Variants in SEMA4F observed in about 807,000 individuals in gnomAD.
SEMA4F encodes the protein semaphorin-4F.
SEMA4F carries 51 observed loss-of-function variants against 78.4 expected under a neutral mutation model. That is an observed-to-expected ratio of 0.65 (90% CI 0.52 to 0.82). SEMA4F has a LOEUF of 0.82. Ranked by LOEUF, SEMA4F falls within the 40% of genes least tolerant of loss-of-function variation. The pLI, the probability that SEMA4F is intolerant of heterozygous loss-of-function variation, is 0.00. For missense variants in SEMA4F, 938 were observed against 1,014.4 expected (o/e 0.92, Z 1.02); for synonymous variants, 418 against 408.7 (o/e 1.02, Z -0.27).
chr2:74,675,716 A>G (rs1685240344), intron 11 of SEMA4F, 33 bp from the exon 12 acceptor site: 1 of 1,613,552 alleles, frequency 6.2e-7, no homozygotes, highest in Middle Eastern at 1.7e-4. Context: ...TGGGAGATCC[A>G]GTGTATTCCC....
At chr2:74,665,571 T>C (rs549987444) in intron 5 of SEMA4F, among the ~76,000 whole-genome samples, 2 of 152,236 alleles carry the variant, frequency 1.3e-5, no homozygotes, top group Admixed American at 1.3e-4. Flanking sequence ...CTTATCTTTT[T>C]CTGAAAAATA....
chr2:74,687,526 G>A (rs1685847430), downstream of SEMA4F, among the ~76,000 whole-genome samples: 1 of 152,210 alleles, frequency 6.6e-6, no homozygotes, highest in South Asian at 2.1e-4. Context: ...AACAGTGCCT[G>A]ACACATAGTA....
chr2:74,665,565 T>C (rs1008650491), intron 5 of SEMA4F, among the ~76,000 whole-genome samples: 2 of 152,174 alleles, frequency 1.3e-5, no homozygotes, highest in African/African-American at 2.4e-5. Flanking sequence ...TAATGACTTA[T>C]CTTTTTCTGA....
rs758156593 is a variant in SEMA4F at position 74,680,057 on chromosome 2, C to G, written c.2161C>G (p.Pro721Ala). 5.6e-6 allele frequency: 9 copies of G among 1,614,026 alleles called. No individual in the cohort carries two copies. The highest frequency in any genetic ancestry group is 7.6e-6 in the Non-Finnish European group (9 of 1,179,978). The change falls in exon 14 of 14, where the codon CCT becomes GCT. Residue 721 changes from proline to alanine, a missense_variant. Coordinates refer to ENST00000357877, the MANE Select transcript of SEMA4F (RefSeq NM_004263.5). ...SYSQDPPSPS[P>A]EDERLPLALA... ...CAGCCAAGACCCTCCCTCCCCCTCTCCTGAAGATGAGCGGTTGCCGCTGGC... is the reference window on the plus strand; with the variant it reads ...CAGCCAAGACCCTCCCTCCCCCTCTGCTGAAGATGAGCGGTTGCCGCTGGC...
At position 74,682,873 on chromosome 2, in the gene SEMA4F, C is replaced by T. The variant is rs905636386; in HGVS notation, c.*2664C>T. On this transcript the variant is annotated 3_prime_UTR_variant, in exon 14 of 14. Coordinates refer to ENST00000357877, the MANE Select transcript of SEMA4F (RefSeq NM_004263.5). Reference sequence around the variant, plus strand: ...CCAGGCACCAGACAACTAGGGATGGCCTCTTTACCCCAAAGCCTGCTGAAA... The same window carrying T: ...CCAGGCACCAGACAACTAGGGATGGTCTCTTTACCCCAAAGCCTGCTGAAA... 4 of 152,214 alleles carry T rather than the reference C, an allele frequency of 2.6e-5. No individual in the cohort carries two copies. Among genetic ancestry groups the T allele is most frequent in the Admixed American group, 2.6e-4 (4 of 15,270 alleles). The allele number at this position is 152,214 out of a possible 1,614,324, so 9.4% of individuals were successfully genotyped here. A position where few individuals can be genotyped will look rare whatever the true frequency, so the allele number is the denominator to read the frequency against.
chr2:74,661,368 C>T lies in SEMA4F; in HGVS notation c.457-1364C>T, dbSNP rs142328428. 3.9e-3 allele frequency among the ~76,000 whole-genome samples: 597 copies of T among 152,266 alleles called. 4 individuals are homozygous for T. Among genetic ancestry groups the T allele is most frequent in the Middle Eastern group, 0.014 (4 of 294 alleles). ...CTTGCACAAAAAGTTATTATTAAGTCAGTGACCAATACTTCAGATTAATCT... is the reference window on the plus strand; with the variant it reads ...CTTGCACAAAAAGTTATTATTAAGTTAGTGACCAATACTTCAGATTAATCT... On this transcript the variant is annotated intron_variant, in intron 4 of 13. Transcript: ENST00000357877.
intron 7 of SEMA4F, 147 bp downstream of exon 7, chr2:74,673,975 T>A (rs1425935767): frequency 4.1e-6 from 4 of 972,498 alleles, no homozygotes; most frequent in Non-Finnish European, 4.6e-6. Context: ...GCTTGAGGAA[T>A]GTGAGAGAGA....
chr2:74,664,170 G>A (rs183736378), intron 5 of SEMA4F, among the ~76,000 whole-genome samples: 34 of 152,298 alleles, frequency 2.2e-4, no homozygotes, highest in African/African-American at 7.5e-4. Flanking sequence ...TTGTGGTAGT[G>A]TAAAGCAGGT....
chr2:74,656,483 C>G (rs1684142580), intron 1 of SEMA4F, 51 bp from the exon 2 acceptor site: 1 of 1,586,898 alleles, frequency 6.3e-7, no homozygotes, highest in Admixed American at 1.7e-5. Context: ...CTCTTGTGGA[C>G]TTGACCCTTA....
chr2:74,654,319 C>T lies in SEMA4F; in HGVS notation c.-58C>T, dbSNP rs941288388. 1 of 1,391,462 alleles carries T rather than the reference C, an allele frequency of 7.2e-7. No homozygotes were observed. The highest frequency in any genetic ancestry group is 9.3e-7 in the Non-Finnish European group (1 of 1,078,974). 86.2% of individuals were successfully genotyped at this position (1,391,462 alleles called of 1,614,324 possible). ...CGAGTGGGGCCGAGGCCAGTAGCCC[C>T]GGGGCCCTGAGCAGAGGCCGTAGCT... On this transcript the variant is annotated 5_prime_UTR_variant, in exon 1 of 14. Transcript: ENST00000357877.
the SEMA4F span, among the ~76,000 whole-genome samples, chr2:74,701,568 T>G: frequency 2.6e-5 from 4 of 152,166 alleles, 1 homozygote; most frequent in Admixed American, 1.3e-4. Flanking sequence ...TGCTCTGAGC[T>G]CTCGCCATGC....
chr2:74,704,754 G>A, the SEMA4F span, among the ~76,000 whole-genome samples: 42,823 of 151,560 alleles, frequency 0.28, 8,909 homozygotes, highest in East Asian at 0.82. Context: ...CAGAACCCCA[G>A]TTGCCCTCCG....
chr2:74,698,968 A>G, the SEMA4F span, among the ~76,000 whole-genome samples: 1 of 151,814 alleles, frequency 6.6e-6, no homozygotes, highest in Non-Finnish European at 1.5e-5. Flanking sequence ...AGTTTGAGGG[A>G]ATTTTTTTTT....
At chr2:74,664,908 A>T (rs892346727) in intron 5 of SEMA4F, among the ~76,000 whole-genome samples, 2 of 152,098 alleles carry the variant, frequency 1.3e-5, no homozygotes, top group African/African-American at 2.4e-5. Flanking sequence ...TTTCTTAAAA[A>T]TTTTTTCCAA....
Position 74,679,882 on chromosome 2 carries a change from A to G in SEMA4F, c.1986A>G (p.Gly662=), listed in dbSNP as rs548171703. The change falls in exon 14 of 14, where the codon GGA becomes GGG. Residue 662 remains glycine, a synonymous_variant. Transcript: ENST00000357877. The part of the protein sequence containing the change: ...APSRAHTVGA[G]LAGFFLGILA... ...GCCGGGCCCACACAGTGGGGGCGGG[A>G]CTGGCTGGCTTCTTCTTGGGGATTC... 6.2e-6 allele frequency: 10 copies of G among 1,614,166 alleles called. No individual in the cohort carries two copies. In the African/African-American group the frequency reaches 1.3e-4, roughly 22 times the overall value.
Position 74,673,705 on chromosome 2 carries a change from G to A in SEMA4F, c.699G>A (p.Leu233=), listed in dbSNP as rs1685110541. Residue 233 remains leucine, a synonymous_variant, in exon 7 of 14, where the codon TTG becomes TTA. Coordinates refer to ENST00000357877, the MANE Select transcript of SEMA4F (RefSeq NM_004263.5). ...CAGCCTTTGTCGCAGCCGTGGCCTT[G>A]AGCCCAGCCGAATGGGGGGATGAAG... ...NAPAFVAAVA[L]SPAEWGDEDG... is the part of the protein sequence containing the mutation. 1 of 1,614,024 alleles carries A rather than the reference G, an allele frequency of 6.2e-7. No homozygotes were observed. The highest frequency in any genetic ancestry group is 1.1e-5 in the South Asian group (1 of 91,082).
At chr2:74,693,014 A>G in the SEMA4F span, among the ~76,000 whole-genome samples, 5,587 of 152,342 alleles carry the variant, frequency 0.037, 304 homozygotes, top group African/African-American at 0.11. Context: ...TTCAAAACCC[A>G]TAGGCCAGAG....
At chr2:74,697,721 A>C in the SEMA4F span, among the ~76,000 whole-genome samples, 1 of 152,120 alleles carries the variant, frequency 6.6e-6, no homozygotes, top group Admixed American at 6.5e-5. Context: ...GAAAGAAACA[A>C]TCTTTAGTTC....
At position 74,679,790 on chromosome 2, in the gene SEMA4F, G is replaced by A. The variant is rs1260798946; in HGVS notation, c.1894G>A (p.Glu632Lys). 6.2e-7 allele frequency: 1 copy of A among 1,614,108 alleles called. No homozygotes were observed. The highest frequency in any genetic ancestry group is 8.5e-7 in the Non-Finnish European group (1 of 1,180,054). The change falls in exon 14 of 14, where the codon GAG becomes AAG. Residue 632 changes from glutamate to lysine, a missense_variant. Transcript: ENST00000357877. ...GGGCGCTTATGCCTGTGAATGTCAG[G>A]AGGGTGGGGCAGCCCATGTGGTAGC... Reference protein sequence around the residue: ...AMGAYACECQEGGAAHVVAAY... With the variant: ...AMGAYACECQKGGAAHVVAAY...
Sources: gnomAD v4.1 joint callset for allele counts (sites outside exome capture counted in the v4.1 genomes callset) on GRCh38, gnomAD v4.1.1 for gene constraint, MANE v1.5 for transcripts, NCBI Gene and HGNC (gene_info 2026-07-23, HGNC 2026-07-21) for gene names.